The following ACLY variants were observed in gnomAD, a reference collection of about 807,000 sequenced individuals.
ACLY encodes the protein ATP citrate lyase.
A neutral mutation model predicts 133.0 loss-of-function variants in ACLY; 41 were observed. The ratio of observed to expected loss-of-function variants is 0.31; its 90% CI spans 0.24 to 0.40. The LOEUF (loss-of-function observed/expected upper bound fraction) is 0.40, where lower values mean the gene tolerates loss of function less well. ACLY is among the 10% of genes least tolerant of loss of function. The pLI is 1.00. For missense variants in ACLY, 1,046 were observed against 1,453.8 expected (o/e 0.72, Z 4.56); for synonymous variants, 495 against 549.3 (o/e 0.90, Z 1.38).
chr17:41,926,598 C>T (rs1421479842), intron 1 of ACLY, among the ~76,000 whole-genome samples: 1 of 151,938 alleles, frequency 6.6e-6, no homozygotes, highest in Admixed American at 6.6e-5. Context: ...AAGCGATTCT[C>T]GTGCCTCAGC....
rs1555625087 is a variant in ACLY at position 41,871,757 on chromosome 17, T to C, written c.2869A>G (p.Met957Val). 1 of 1,613,972 alleles carries C rather than the reference T, an allele frequency of 6.2e-7. No homozygotes were observed. The highest frequency in any genetic ancestry group is 1.3e-5 in the African/African-American group (1 of 74,914). The change falls in exon 25 of 29, where the codon ATG becomes GTG. Residue 957 changes from methionine (M) to valine (V), a missense_variant. Met to Val is a conservative substitution (Grantham distance 21). Coordinates refer to ENST00000352035, the MANE Select transcript of ACLY (RefSeq NM_001096.3). Reference sequence around the variant, plus strand: ...TTCTTCATCTTGTTCACAAACTCCATGGGGATAATGCCACTGTCAAAGGCT... The same window carrying C: ...TTCTTCATCTTGTTCACAAACTCCACGGGGATAATGCCACTGTCAAAGGCT... ...SKAFDSGIIPMEFVNKMKKEG... is the reference protein window; with the variant it reads ...SKAFDSGIIPVEFVNKMKKEG...
intron 1 of ACLY, among the ~76,000 whole-genome samples, chr17:41,929,301 C>T (rs1280771524): frequency 1.3e-5 from 2 of 152,074 alleles, no homozygotes; most frequent in Non-Finnish European, 2.9e-5. Flanking sequence ...CGCCATGTTG[C>T]CCAGACTGGT....
chr17:41,904,910 G>T, intron 9 of ACLY, 120 bp from the exon 10 acceptor site: 1 of 891,840 alleles, frequency 1.1e-6, no homozygotes, highest in Non-Finnish European at 1.8e-6. Flanking sequence ...CTGCCAGGAG[G>T]TACTGGGGAG....
intron 17 of ACLY, among the ~76,000 whole-genome samples, chr17:41,887,079 G>A (rs909995155): frequency 4.2e-5 from 6 of 141,666 alleles, no homozygotes; most frequent in South Asian, 2.2e-4. Flanking sequence ...AGCCAAGATC[G>A]TGCCACTGCA....
intron 1 of ACLY, among the ~76,000 whole-genome samples, chr17:41,929,580 C>CT (rs1296498777): frequency 2.6e-5 from 4 of 152,196 alleles, no homozygotes; most frequent in Non-Finnish European, 5.9e-5. Context: ...GTTAATATCA[C>CT]TTAAGTGGCC....
At chr17:41,875,825 C>T (rs4427855) in intron 22 of ACLY, among the ~76,000 whole-genome samples, 121,318 of 150,938 alleles carry the variant, frequency 0.8, 48,935 homozygotes, top group East Asian at 0.93. Flanking sequence ...GCCTTGGCCT[C>T]CCAAAGTGCC....
exon 1 of ACLY, chr17:41,930,527 C>A: frequency 1.8e-6 from 1 of 548,542 alleles, no homozygotes; most frequent in Non-Finnish European, 3.3e-6. Flanking sequence ...CACTCCCTGG[C>A]CCAGTGCGCG....
chr17:41,929,992 C>T (rs1190088846), intron 1 of ACLY, among the ~76,000 whole-genome samples: 4 of 152,130 alleles, frequency 2.6e-5, no homozygotes, highest in Admixed American at 1.3e-4. Context: ...CTTAGGGTAT[C>T]GTTGGAGCCC....
chr17:41,913,598 G>C lies in ACLY; in HGVS notation c.159+117C>G. The C allele has an allele frequency of 2.7e-6, 3 of 1,120,276 alleles. 1 individual carries two copies. In the South Asian group the frequency reaches 4.4e-5, roughly 17 times the overall value. 69.4% of individuals were successfully genotyped at this position (1,120,276 alleles called of 1,614,324 possible). A position where few individuals can be genotyped will look rare whatever the true frequency, so the allele number is the denominator to read the frequency against. ...CTCAGCCCATGGCATGCTTCCCACA[G>C]CTGCTGCTGGCAGCCTCCAACCCCA... On this transcript the variant is annotated intron_variant, in intron 2 of 28. Coordinates refer to ENST00000352035, the MANE Select transcript of ACLY (RefSeq NM_001096.3).
intron 10 of ACLY, among the ~76,000 whole-genome samples, chr17:41,904,216 G>A (rs2049628855): frequency 7.9e-6 from 1 of 125,930 alleles, no homozygotes; most frequent in South Asian, 3.1e-4. Context: ...GGAAAGGAAG[G>A]GAGGGAGGAA....
intron 3 of ACLY, among the ~76,000 whole-genome samples, chr17:41,911,095 C>T (rs1555633568): frequency 6.6e-6 from 1 of 152,168 alleles, no homozygotes; most frequent in East Asian, 1.9e-4. Context: ...AGGGACAGGT[C>T]GCTTCACGCC....
Position 41,868,726 on chromosome 17 carries a change from C to CT in ACLY, c.3193dup (p.Arg1065LysfsTer11). The CT allele has an allele frequency of 6.2e-7, 1 of 1,613,782 alleles. No individual in the cohort carries two copies. Among genetic ancestry groups the CT allele is most frequent in the Non-Finnish European group, 8.5e-7 (1 of 1,179,960 alleles). ...GGACTCACCAATGAACCCCATACTC[C>CT]TTCCCAGCACAAAGATGCCATTGAG... is the stretch of plus-strand genomic sequence containing the variant. On this transcript the variant is annotated frameshift_variant, in exon 28 of 29. Transcript: ENST00000352035. LOFTEE classifies it high-confidence loss of function.
chr17:41,910,882 TG>T (rs1475038482), intron 3 of ACLY, among the ~76,000 whole-genome samples: 1 of 152,158 alleles, frequency 6.6e-6, no homozygotes, highest in African/African-American at 2.4e-5. Context: ...TGTGCGTCAC[TG>T]CTGAGTCAGG....
intron 7 of ACLY, 122 bp downstream of exon 7, chr17:41,907,320 C>A: frequency 4.4e-5 from 22 of 500,308 alleles, no homozygotes; most frequent in Non-Finnish European, 5.2e-5. Flanking sequence ...TTAAATGCTT[C>A]TCAGTCTTCC....
intron 22 of ACLY, among the ~76,000 whole-genome samples, chr17:41,875,721 G>A (rs1169722155): frequency 1.3e-5 from 2 of 152,240 alleles, no homozygotes; most frequent in Non-Finnish European, 2.9e-5. Flanking sequence ...CGGGATTGCA[G>A]ACGGAGTCTC....
At chr17:41,894,536 G>A (rs2049310396) in intron 14 of ACLY, among the ~76,000 whole-genome samples, 1 of 150,666 alleles carries the variant, frequency 6.6e-6, no homozygotes, top group South Asian at 2.1e-4. Flanking sequence ...AGCCACCGCG[G>A]CATAGTGAGA....
chr17:41,892,243 TCCCCACC>T, intron 16 of ACLY, 29 bp downstream of exon 16: 3 of 313,828 alleles, frequency 9.6e-6, no homozygotes, highest in Non-Finnish European at 1.6e-5. Flanking sequence ...TAGTTCATGG[TCCCCACC>T]CCCCACCCTC....
At chr17:41,918,834 T>C (rs947728401) in intron 1 of ACLY, 46 bp downstream of exon 1, 2 of 1,284,038 alleles carry the variant, frequency 1.6e-6, no homozygotes, top group Non-Finnish European at 1.0e-6. Flanking sequence ...AGGAAGCTCC[T>C]AGGGCGAGCG....
chr17:41,895,571 C>T (rs1001422089), intron 14 of ACLY, among the ~76,000 whole-genome samples: 1 of 152,140 alleles, frequency 6.6e-6, no homozygotes, highest in African/African-American at 2.4e-5. Context: ...CCTGACACAC[C>T]CTCCTTTTAT....
Sources: allele counts gnomAD v4.1 joint callset (sites outside exome capture counted in the v4.1 genomes callset), GRCh38; gene constraint gnomAD v4.1.1; transcripts MANE v1.5; gene names NCBI Gene and HGNC (gene_info 2026-07-23, HGNC 2026-07-21).